The following TBC1D9 variants were observed in gnomAD, a reference collection of about 807,000 sequenced individuals.
TBC1D9 encodes the protein TBC1 domain family member 9, also known as TBC1 domain family member 9A.
Under a neutral mutation model 132.0 loss-of-function variants are expected in TBC1D9, and 63 were observed. That is an observed-to-expected ratio of 0.48 (90% CI 0.39 to 0.59). The LOEUF is 0.59. Among genes scored for constraint, TBC1D9 ranks in the 20% least tolerant of loss-of-function variants. The pLI is 0.00. For synonymous variants in TBC1D9, 610 were observed against 609.9 expected (o/e 1.00, Z 0.00); for missense variants, 1,261 against 1,592.7 (o/e 0.79, Z 3.54).
At chr4:140,669,115 G>A (rs762099578) in intron 8 of TBC1D9, 48 bp from the exon 9 acceptor site, 1 of 1,589,222 alleles carries the variant, frequency 6.3e-7, no homozygotes, top group South Asian at 1.1e-5. Flanking sequence ...CCCTGAGGAT[G>A]GTAAGAGAAG....
intron 2 of TBC1D9, among the ~76,000 whole-genome samples, chr4:140,695,115 C>G (rs1737933471): frequency 6.6e-6 from 1 of 152,150 alleles, no homozygotes; most frequent in South Asian, 2.1e-4. Flanking sequence ...TAATTAAACT[C>G]TGGGTCTTAC....
In TBC1D9 at chr4:140,709,807, A is replaced by G. The variant is rs137956773; in HGVS notation, c.131-8193T>C. ...ATTAGATTGTCTTAAGGAGCTTGCAACCTAGATCCCTTGCATGTGCAGTTC... is the reference window on the plus strand; with the variant it reads ...ATTAGATTGTCTTAAGGAGCTTGCAGCCTAGATCCCTTGCATGTGCAGTTC... On this transcript the variant is annotated intron_variant, in intron 1 of 20. Coordinates refer to ENST00000442267, the MANE Select transcript of TBC1D9 (RefSeq NM_015130.3). Among the ~76,000 whole-genome samples the G allele has an allele frequency of 5.9e-5, 9 of 152,244 alleles. No homozygotes were observed. In the East Asian group the frequency reaches 1.4e-3, roughly 23 times the overall value.
chr4:140,647,318 A>G (rs1737118141), intron 13 of TBC1D9, among the ~76,000 whole-genome samples: 1 of 152,316 alleles, frequency 6.6e-6, no homozygotes, highest in South Asian at 2.1e-4. Flanking sequence ...GCTGAGCTGC[A>G]AGTGGTCTGA....
chr4:140,645,024 G>T, intron 13 of TBC1D9: 1 of 475,254 alleles, frequency 2.1e-6, no homozygotes. Context: ...GGGGTGCGTG[G>T]CCAGATGGGT....
chr4:140,674,315 C>T (rs1445168659), intron 6 of TBC1D9, among the ~76,000 whole-genome samples: 1 of 152,168 alleles, frequency 6.6e-6, no homozygotes, highest in Admixed American at 6.5e-5. Context: ...AATTAGTTGA[C>T]CCTACGACAA....
chr4:140,647,478 A>C (rs1737120435), intron 13 of TBC1D9, among the ~76,000 whole-genome samples: 1 of 152,226 alleles, frequency 6.6e-6, no homozygotes, highest in Admixed American at 6.5e-5. Context: ...TACCTATGTG[A>C]GTGGGCAACT....
chr4:140,679,073 C>A lies in TBC1D9; in HGVS notation c.720G>T (p.Glu240Asp), dbSNP rs1221599844. Residue 240 changes from glutamate to aspartate, a missense_variant, in exon 5 of 21, where the codon GAG becomes GAT. Coordinates refer to ENST00000442267, the MANE Select transcript of TBC1D9 (RefSeq NM_015130.3). ...HFFSVFLNIN[E>D]TFKLMEQLAN... ...CAAGCTGCTCCATTAACTTGAAGGTCTCGTTGATGTTGAGGAATACAGAGA... is the reference window on the plus strand; with the variant it reads ...CAAGCTGCTCCATTAACTTGAAGGTATCGTTGATGTTGAGGAATACAGAGA... 3 of 1,613,970 alleles carry A rather than the reference C, an allele frequency of 1.9e-6. No individual in the cohort carries two copies. The highest frequency in any genetic ancestry group is 2.5e-6 in the Non-Finnish European group (3 of 1,179,850).
In TBC1D9 at chr4:140,639,337, C is replaced by A; in HGVS notation, c.2429G>T (p.Arg810Leu). The A allele has an allele frequency of 6.2e-7, 1 of 1,610,378 alleles. No individual in the cohort carries two copies. The change falls in exon 14 of 21, where the codon CGC becomes CTC. Residue 810 changes from arginine to leucine, a missense_variant. By Grantham distance (102) the Arg-to-Leu change is moderately radical. Transcript: ENST00000442267. ...VIQTLEDTTK[R>L]NVVRTIVTET... Reference sequence around the variant, plus strand: ...ACTTCTTAAAGGACTTACCACGTTGCGTTTCGTAGTATCCTCCAGCGTCTG... The same window carrying A: ...ACTTCTTAAAGGACTTACCACGTTGAGTTTCGTAGTATCCTCCAGCGTCTG...
At chr4:140,754,551 G>T (rs977391588) in intron 1 of TBC1D9, among the ~76,000 whole-genome samples, 2 of 141,388 alleles carry the variant, frequency 1.4e-5, no homozygotes, top group Non-Finnish European at 3.0e-5. Flanking sequence ...GGAGAAGGAG[G>T]TTGCAGTGAG....
At chr4:140,643,188 G>T in intron 13 of TBC1D9, 1 of 1,426,036 alleles carries the variant, frequency 7.0e-7, no homozygotes. Flanking sequence ...GCTCTCCAGT[G>T]AGGGCCGAGC....
intron 2 of TBC1D9, among the ~76,000 whole-genome samples, chr4:140,690,141 C>T (rs1478400012): frequency 2.6e-5 from 4 of 152,136 alleles, no homozygotes; most frequent in Non-Finnish European, 5.9e-5. Flanking sequence ...TGAATGCACT[C>T]CTTCAATAAA....
intron 1 of TBC1D9, among the ~76,000 whole-genome samples, chr4:140,717,848 ATTTC>A (rs1212401088): frequency 1.3e-5 from 2 of 152,106 alleles, no homozygotes; most frequent in African/African-American, 2.4e-5. Context: ...CCCCCAACTT[ATTTC>A]TTTAAGTCTA....
At chr4:140,731,384 T>G (rs1738587245) in intron 1 of TBC1D9, among the ~76,000 whole-genome samples, 1 of 152,104 alleles carries the variant, frequency 6.6e-6, no homozygotes. Context: ...AATTGTCTCC[T>G]GACTACCCAT....
At chr4:140,742,982 G>A (rs1460137761) in intron 1 of TBC1D9, among the ~76,000 whole-genome samples, 1 of 151,910 alleles carries the variant, frequency 6.6e-6, no homozygotes, top group Admixed American at 6.6e-5. Context: ...AGGAAGGGAG[G>A]AAAAGGAAGG....
chr4:140,657,972 T>A (rs1737298074), intron 11 of TBC1D9, among the ~76,000 whole-genome samples, 160 bp from the exon 12 acceptor site: 1 of 152,248 alleles, frequency 6.6e-6, no homozygotes, highest in African/African-American at 2.4e-5. Context: ...CACAGCTCAG[T>A]CACCAGATTA....
At chr4:140,643,358 TG>T in intron 13 of TBC1D9, 3 of 1,315,374 alleles carry the variant, frequency 2.3e-6, no homozygotes, top group Admixed American at 2.0e-5. Flanking sequence ...CAGTAGCACC[TG>T]GGGAGGGCAG....
intron 3 of TBC1D9, among the ~76,000 whole-genome samples, chr4:140,684,128 A>G (rs1176869335): frequency 6.6e-6 from 1 of 152,084 alleles, no homozygotes; most frequent in Non-Finnish European, 1.5e-5. Context: ...GAGGCCGGGC[A>G]TGGTGTCTTA....
At chr4:140,665,658 T>C (rs1737431384) in intron 9 of TBC1D9, among the ~76,000 whole-genome samples, 1 of 152,202 alleles carries the variant, frequency 6.6e-6, no homozygotes, top group Non-Finnish European at 1.5e-5. Flanking sequence ...TTTAAACTTT[T>C]GAATTTTCTA....
chr4:140,698,305 T>C (rs1481131470), intron 2 of TBC1D9, among the ~76,000 whole-genome samples: 2 of 152,120 alleles, frequency 1.3e-5, no homozygotes, highest in African/African-American at 4.8e-5. Flanking sequence ...CTTTATCACC[T>C]TCCTCTCACT....
Sources: allele counts gnomAD v4.1 joint callset (sites outside exome capture counted in the v4.1 genomes callset), GRCh38; gene constraint gnomAD v4.1.1; transcripts MANE v1.5; gene names NCBI Gene and HGNC (gene_info 2026-07-23, HGNC 2026-07-21).